OR14A16: variants seen among roughly 807,000 people sequenced by gnomAD.
OR14A16 encodes the protein olfactory receptor 14A16.
For missense variants in OR14A16, 341 were observed against 366.5 expected (o/e 0.93, Z 0.57); for synonymous variants, 135 against 137.6 (o/e 0.98, Z 0.13).
intron 1 of OR14A16, among the ~76,000 whole-genome samples, chr1:247,823,405 G>A (rs929488952): frequency 2.6e-5 from 4 of 152,170 alleles, no homozygotes; most frequent in Non-Finnish European, 5.9e-5. Context: ...GCTGAGGTGG[G>A]AGGATCCTTT....
Position 247,815,018 on chromosome 1 carries a change from T to C in OR14A16, c.712A>G (p.Ile238Val), listed in dbSNP as rs745335329. 1 of 1,613,668 alleles carries C rather than the reference T, an allele frequency of 6.2e-7. No homozygotes were observed. The highest frequency in any genetic ancestry group is 1.1e-5 in the South Asian group (1 of 91,064). The change falls in exon 3 of 3, where the codon ATT (isoleucine) becomes GTT (valine). Residue 238 changes from isoleucine (I) to valine (V), a missense_variant. Ile to Val is a conservative substitution (Grantham distance 29). Coordinates refer to ENST00000641093, the MANE Select transcript of OR14A16 (RefSeq NM_001001966.2). ...STEGQSKAYS[I>V]CLPHLLVVLF... Reference sequence around the variant, plus strand: ...ACAACCAGCAAGTGTGGAAGGCAAATAGAGTAGGCTTTTGACTGGCCTTCT... The same window carrying C: ...ACAACCAGCAAGTGTGGAAGGCAAACAGAGTAGGCTTTTGACTGGCCTTCT...
Position 247,823,991 on chromosome 1 carries a change from T to C in OR14A16, c.-169A>G, listed in dbSNP as rs2103288984. ...GTGGTGTCACTGTCTGGGGTAAATA[T>C]CCAGGATTCACTGTCTCCCACAAAG... is the stretch of plus-strand genomic sequence containing the variant. On this transcript the variant is annotated 5_prime_UTR_variant, in exon 1 of 3. Transcript: ENST00000641093. The C allele has an allele frequency of 6.6e-6, 1 of 152,222 alleles. No individual in the cohort carries two copies. The highest frequency in any genetic ancestry group is 1.9e-4 in the East Asian group (1 of 5,174). 9.4% of individuals were successfully genotyped at this position (152,222 alleles called of 1,614,324 possible). A position where few individuals can be genotyped will look rare whatever the true frequency, so the allele number is the denominator to read the frequency against.
rs781601484 is a variant in OR14A16 at position 247,815,542 on chromosome 1, T to G, written c.188A>C (p.Asn63Thr). ...LHTPVYFFLK[N>T]LSFLDLCLIS... is the part of the protein sequence containing the mutation. ...AAGGCAGAGATCCAAGAAAGATAGATTCTTCAAGAAGAAATACACGGGGGT... is the reference window on the plus strand; with the variant it reads ...AAGGCAGAGATCCAAGAAAGATAGAGTCTTCAAGAAGAAATACACGGGGGT... Residue 63 changes from asparagine to threonine, a missense_variant, in exon 3 of 3, where the codon AAT (asparagine) becomes ACT (threonine). Physicochemically the swap from Asn to Thr is moderately conservative, Grantham distance 65. Coordinates refer to ENST00000641093, the MANE Select transcript of OR14A16 (RefSeq NM_001001966.2). 6.2e-7 allele frequency: 1 copy of G among 1,613,952 alleles called. No homozygotes were observed. The highest frequency in any genetic ancestry group is 8.5e-7 in the Non-Finnish European group (1 of 1,179,962).
Position 247,815,595 on chromosome 1 carries a change from C to T in OR14A16, c.135G>A (p.Met45Ile). The T allele has an allele frequency of 3.1e-6, 5 of 1,613,806 alleles. No individual in the cohort carries two copies. The highest frequency in any genetic ancestry group is 4.2e-6 in the Non-Finnish European group (5 of 1,179,764). ...GGAGATGATGGTCCAAAGTTGTGAT[C>T]ATGATAATGAGGACATTCCCCATCA... ...CALMGNVLII[M>I]ITTLDHHLHT... Residue 45 changes from methionine (M) to isoleucine (I), a missense_variant, in exon 3 of 3, where the codon ATG becomes ATA. By Grantham distance (10) the Met-to-Ile change is conservative (BLOSUM62 1). Coordinates refer to ENST00000641093, the MANE Select transcript of OR14A16 (RefSeq NM_001001966.2).
chr1:247,819,399 A>T (rs34714637), intron 1 of OR14A16, among the ~76,000 whole-genome samples: 7 of 7,356 alleles, frequency 9.5e-4, no homozygotes, highest in South Asian at 0.1. Flanking sequence ...GAGCAGATTT[A>T]AAAAAAAAAG....
Position 247,815,743 on chromosome 1 carries a change from A to G in OR14A16, c.-14T>C. On this transcript the variant is annotated splice_region_variant and 5_prime_UTR_variant, in exon 3 of 3. Transcript: ENST00000641093. ...GAGATTTGCCATTATTGCAGGAGTAATCTGCAGGAAAAGGAGAAGACTGAA... is the reference window on the plus strand; with the variant it reads ...GAGATTTGCCATTATTGCAGGAGTAGTCTGCAGGAAAAGGAGAAGACTGAA... 7.3e-7 allele frequency: 1 copy of G among 1,371,134 alleles called. No individual in the cohort carries two copies. Among genetic ancestry groups the G allele is most frequent in the Non-Finnish European group, 1.0e-6 (1 of 982,104 alleles). The allele number at this position is 1,371,134 out of a possible 1,614,324, so 84.9% of individuals were successfully genotyped here.
At chr1:247,820,496 T>C (rs975759721) in intron 1 of OR14A16, among the ~76,000 whole-genome samples, 2 of 152,174 alleles carry the variant, frequency 1.3e-5, no homozygotes, top group African/African-American at 4.8e-5. Flanking sequence ...TACTAATTTT[T>C]GGCTTAGTTT....
At chr1:247,817,433 G>A (rs1313162044) in intron 2 of OR14A16, among the ~76,000 whole-genome samples, 1 of 152,124 alleles carries the variant, frequency 6.6e-6, no homozygotes, top group Non-Finnish European at 1.5e-5. Flanking sequence ...AATGATGTTC[G>A]ATTTGATTAA....
rs751009197 is a variant in OR14A16 at position 247,815,507 on chromosome 1, T to C, written c.223A>G (p.Thr75Ala). 6.2e-7 allele frequency: 1 copy of C among 1,613,928 alleles called. No homozygotes were observed. Among genetic ancestry groups the C allele is most frequent in the South Asian group, 1.1e-5 (1 of 91,082 alleles). Residue 75 changes from threonine (T) to alanine (A), a missense_variant, in exon 3 of 3, where the codon ACG becomes GCG. Thr to Ala is a moderately conservative substitution (Grantham distance 58). Coordinates refer to ENST00000641093, the MANE Select transcript of OR14A16 (RefSeq NM_001001966.2). ...GAATTGGCGATAGATTTGGGAGCCG[T>C]GACTGAAATAAGGCAGAGATCCAAG... is the stretch of plus-strand genomic sequence containing the variant. ...SFLDLCLISV[T>A]APKSIANSLI... is the part of the protein sequence containing the mutation.
At chr1:247,817,703 A>AT (rs5782443) in intron 2 of OR14A16, among the ~76,000 whole-genome samples, 1 of 151,190 alleles carries the variant, frequency 6.6e-6, no homozygotes, top group African/African-American at 2.4e-5. Flanking sequence ...AGTACTTCAC[A>AT]TTTTTTTTTT....
At chr1:247,822,451 CT>C (rs1662758700) in intron 1 of OR14A16, among the ~76,000 whole-genome samples, 1 of 151,754 alleles carries the variant, frequency 6.6e-6, no homozygotes, top group Non-Finnish European at 1.5e-5. Context: ...ACTCCAGATT[CT>C]TCAGCTTTTG....
At position 247,815,150 on chromosome 1, in the gene OR14A16, C is replaced by A; in HGVS notation, c.580G>T (p.Glu194Ter). ...ACATTAATAAGGATGAGTGCAATTT[C>A]TCTTATTAAATTTTCTGAGCAAGAA... ...AISCSENLIREIALILINVVL... is the reference protein window; with the variant it reads ...AISCSENLIR The change falls in exon 3 of 3, where the codon GAA (glutamate) becomes TAA (stop). Residue 194 changes from glutamate to a stop codon, truncating the protein, a stop_gained. Coordinates refer to ENST00000641093, the MANE Select transcript of OR14A16 (RefSeq NM_001001966.2). LOFTEE classifies it low-confidence loss of function (END_TRUNC). 1 of 1,612,488 alleles carries A rather than the reference C, an allele frequency of 6.2e-7. No individual in the cohort carries two copies. Among genetic ancestry groups the A allele is most frequent in the Admixed American group, 1.7e-5 (1 of 59,960 alleles).
chr1:247,816,432 T>C (rs1268278102), intron 2 of OR14A16, among the ~76,000 whole-genome samples: 3 of 152,194 alleles, frequency 2.0e-5, no homozygotes, highest in Non-Finnish European at 2.9e-5. Flanking sequence ...ACAGATCCTA[T>C]AATATATGAG....
At chr1:247,822,325 G>T (rs1391094506) in intron 1 of OR14A16, among the ~76,000 whole-genome samples, 2 of 133,264 alleles carry the variant, frequency 1.5e-5, no homozygotes, top group African/African-American at 2.7e-5. Context: ...GGGGGGGGAG[G>T]GTGGGGATGC....
Position 247,815,735 on chromosome 1 carries a change from C to T in OR14A16, c.-6G>A, listed in dbSNP as rs1662609435. 1 of 1,456,978 alleles carries T rather than the reference C, an allele frequency of 6.9e-7. No individual in the cohort carries two copies. Among genetic ancestry groups the T allele is most frequent in the South Asian group, 1.2e-5 (1 of 81,614 alleles). 90.3% of individuals were successfully genotyped at this position (1,456,978 alleles called of 1,614,324 possible). ...ACGATTGTGAGATTTGCCATTATTGCAGGAGTAATCTGCAGGAAAAGGAGA... is the reference window on the plus strand; with the variant it reads ...ACGATTGTGAGATTTGCCATTATTGTAGGAGTAATCTGCAGGAAAAGGAGA... On this transcript the variant is annotated 5_prime_UTR_variant, in exon 3 of 3. Coordinates refer to ENST00000641093, the MANE Select transcript of OR14A16 (RefSeq NM_001001966.2).
chr1:247,822,736 GATTT>G (rs1255396914), intron 1 of OR14A16, among the ~76,000 whole-genome samples: 3 of 152,134 alleles, frequency 2.0e-5, no homozygotes, highest in Non-Finnish European at 1.5e-5. Flanking sequence ...TCAAATTACA[GATTT>G]CACACAACAT....
chr1:247,815,522 A>C lies in OR14A16; in HGVS notation c.208T>G (p.Cys70Gly), dbSNP rs1252061086. 2 of 1,614,054 alleles carry C rather than the reference A, an allele frequency of 1.2e-6. No individual in the cohort carries two copies. The highest frequency in any genetic ancestry group is 1.7e-6 in the Non-Finnish European group (2 of 1,179,884). The change falls in exon 3 of 3, where the codon TGC becomes GGC. Residue 70 changes from cysteine to glycine, a missense_variant. Coordinates refer to ENST00000641093, the MANE Select transcript of OR14A16 (RefSeq NM_001001966.2). ...FLKNLSFLDLCLISVTAPKSI... is the reference protein window; with the variant it reads ...FLKNLSFLDLGLISVTAPKSI... ...TTGGGAGCCGTGACTGAAATAAGGC[A>C]GAGATCCAAGAAAGATAGATTCTTC...
chr1:247,815,827 G>A (rs1053438226), intron 2 of OR14A16, 83 bp from the exon 3 acceptor site: 21 of 598,950 alleles, frequency 3.5e-5, no homozygotes, highest in Non-Finnish European at 4.0e-5. Flanking sequence ...ATATTATTTA[G>A]CATACTGAAA....
chr1:247,823,803 C>A (rs528400399), intron 1 of OR14A16, 150 bp downstream of exon 1: 6 of 151,766 alleles, frequency 4.0e-5, no homozygotes, highest in Admixed American at 6.6e-5. Context: ...AAGCACCAAT[C>A]CAAAATTCGA....
Sources: gnomAD v4.1 joint callset for allele counts (sites outside exome capture counted in the v4.1 genomes callset) on GRCh38, gnomAD v4.1.1 for gene constraint, MANE v1.5 for transcripts, NCBI Gene and HGNC (gene_info 2026-07-23, HGNC 2026-07-21) for gene names.